Variants in EYA1 observed in about 807,000 individuals in gnomAD.
EYA1 encodes protein phosphatase EYA1.
Under a neutral mutation model 82.0 loss-of-function variants are expected in EYA1, and 16 were observed. The observed-to-expected ratio is 0.20, with a 90% CI of 0.13 to 0.30. EYA1 has a LOEUF of 0.30. Ranked by LOEUF, EYA1 falls within the 10% of genes least tolerant of loss-of-function variation. The pLI is 1.00. For synonymous variants in EYA1, 261 were observed against 264.4 expected (o/e 0.99, Z 0.12); for missense variants, 633 against 730.7 (o/e 0.87, Z 1.54).
At chr8:71,530,514 AT>A (rs1386225027) in intron 2 of EYA1, among the ~76,000 whole-genome samples, 10 of 152,222 alleles carry the variant, frequency 6.6e-5, no homozygotes, top group Non-Finnish European at 2.9e-5. Flanking sequence ...CCATGGTTTT[AT>A]ATTTAAGTTA....
At chr8:71,216,340 A>T (rs186189598) in intron 14 of EYA1, among the ~76,000 whole-genome samples, 1 of 152,228 alleles carries the variant, frequency 6.6e-6, no homozygotes, top group Admixed American at 6.5e-5. Flanking sequence ...CCAAGTATTT[A>T]CCCTGTAGGA....
intron 1 of EYA1, among the ~76,000 whole-genome samples, chr8:71,538,503 T>C (rs1037563238): frequency 6.6e-6 from 1 of 152,236 alleles, no homozygotes; most frequent in Non-Finnish European, 1.5e-5. Flanking sequence ...ACAAAATTTC[T>C]GGTCCTGAGC....
At chr8:71,489,224 T>C (rs981243269) in intron 2 of EYA1, among the ~76,000 whole-genome samples, 2 of 152,188 alleles carry the variant, frequency 1.3e-5, no homozygotes, top group Non-Finnish European at 1.5e-5. Context: ...CACCTACTTC[T>C]TGAGCCACTC....
intron 11 of EYA1, among the ~76,000 whole-genome samples, chr8:71,269,534 G>A (rs1265765570): frequency 6.6e-6 from 1 of 152,144 alleles, no homozygotes; most frequent in Non-Finnish European, 1.5e-5. Flanking sequence ...TGAACAAAGT[G>A]TATCTTATTG....
chr8:71,496,521 G>T (rs1194653193), intron 2 of EYA1, among the ~76,000 whole-genome samples: 1 of 152,174 alleles, frequency 6.6e-6, no homozygotes, highest in African/African-American at 2.4e-5. Flanking sequence ...TAGGAAAACA[G>T]ATTATTCTGT....
intron 3 of EYA1, among the ~76,000 whole-genome samples, chr8:71,347,514 G>T (rs111320919): frequency 1.3e-4 from 20 of 152,046 alleles, no homozygotes; most frequent in African/African-American, 4.8e-4. Context: ...AGTAGAGACG[G>T]GGTTTCACCT....
chr8:71,524,376 A>G (rs1813655317), intron 2 of EYA1, among the ~76,000 whole-genome samples: 2 of 152,200 alleles, frequency 1.3e-5, no homozygotes, highest in Admixed American at 1.3e-4. Context: ...TTATGACAGA[A>G]AAAGCTAATT....
At chr8:71,516,078 C>G (rs1048437532) in intron 2 of EYA1, among the ~76,000 whole-genome samples, 1 of 152,068 alleles carries the variant, frequency 6.6e-6, no homozygotes, top group African/African-American at 2.4e-5. Flanking sequence ...GACAGTTACA[C>G]ATGGAAGACT....
intron 17 of EYA1, among the ~76,000 whole-genome samples, chr8:71,208,860 C>CT (rs1202376712): frequency 6.6e-6 from 1 of 152,192 alleles, no homozygotes; most frequent in East Asian, 1.9e-4. Flanking sequence ...TGAAGTCAAA[C>CT]TTCTAAGAAT....
chr8:71,303,486 C>T (rs1002924097), intron 7 of EYA1, among the ~76,000 whole-genome samples: 1 of 142,924 alleles, frequency 7.0e-6, no homozygotes, highest in African/African-American at 2.5e-5. Flanking sequence ...TTACACCTAA[C>T]CCATACAAAT....
rs1490993429 is a variant in EYA1 at position 71,525,418 on chromosome 8, A to AT, written c.33+10325dup. ...GAATTCCTTTGAAATATAAACATTAATTGATCTAATTGAATCTAGTGGAGT... is the reference window on the plus strand; with the variant it reads ...GAATTCCTTTGAAATATAAACATTAATTTGATCTAATTGAATCTAGTGGAGT... On this transcript the variant is annotated intron_variant, in intron 2 of 18. Transcript: ENST00000643681. Among the ~76,000 whole-genome samples the AT allele has an allele frequency of 6.4e-4, 97 of 152,216 alleles. 1 individual carries two copies. The highest frequency in any genetic ancestry group is 4.6e-4 in the Admixed American group (7 of 15,284).
intron 2 of EYA1, among the ~76,000 whole-genome samples, chr8:71,456,508 A>C (rs1386702704): frequency 1.3e-5 from 2 of 152,174 alleles, no homozygotes; most frequent in African/African-American, 4.8e-5. Context: ...TTCAAACTAT[A>C]CTACAAGGCT....
chr8:71,297,975 CTT>C (rs138632237), intron 9 of EYA1, among the ~76,000 whole-genome samples: 2,156 of 152,002 alleles, frequency 0.014, 44 homozygotes, highest in African/African-American at 0.049. Context: ...AATGATGAAA[CTT>C]TAGAATAAAG....
intron 2 of EYA1, among the ~76,000 whole-genome samples, chr8:71,463,575 TTCTCTCTC>T (rs776367934): frequency 0.018 from 731 of 41,110 alleles, 13 homozygotes; most frequent in Middle Eastern, 0.022. Flanking sequence ...AATACATGCT[TTCTCTCTC>T]TCTCTCTCTC....
At chr8:71,518,466 T>C (rs1441304012) in intron 2 of EYA1, among the ~76,000 whole-genome samples, 1 of 152,144 alleles carries the variant, frequency 6.6e-6, no homozygotes, top group Non-Finnish European at 1.5e-5. Context: ...ACAATGCTAT[T>C]TTCTGTCTGT....
At chr8:71,233,107 A>G (rs1409247994) in intron 12 of EYA1, among the ~76,000 whole-genome samples, 2 of 152,188 alleles carry the variant, frequency 1.3e-5, no homozygotes, top group Non-Finnish European at 2.9e-5. Context: ...CTGGGCTTTG[A>G]GTCAGGCTGG....
At chr8:71,309,526 A>G (rs1157481687) in intron 7 of EYA1, among the ~76,000 whole-genome samples, 2 of 152,252 alleles carry the variant, frequency 1.3e-5, no homozygotes, top group Non-Finnish European at 2.9e-5. Flanking sequence ...ATGCTTTATC[A>G]CAGATTACTT....
rs375646172 is a variant in EYA1, at chr8:71,198,243, G to GTAGT, written c.*1093_*1096dup. 7.9e-5 allele frequency: 12 copies of GTAGT among 152,610 alleles called. No homozygotes were observed. Among genetic ancestry groups the GTAGT allele is most frequent in the African/African-American group, 2.6e-4 (11 of 41,514 alleles). 9.5% of individuals were successfully genotyped at this position (152,610 alleles called of 1,614,324 possible). A position where few individuals can be genotyped will look rare whatever the true frequency, so the allele number is the denominator to read the frequency against. On this transcript the variant is annotated 3_prime_UTR_variant, in exon 18 of 18. Transcript: ENST00000340726. ...GCATTTGAATAATTATTTTTTCCAA[G>GTAGT]TAGTTACATATAATACATTAGTGTG...
chr8:71,261,906 T>G (rs1037112130), intron 11 of EYA1, among the ~76,000 whole-genome samples: 2 of 152,222 alleles, frequency 1.3e-5, no homozygotes. Context: ...CCTTTATTAT[T>G]TTCTACCAGA....
Sources: allele counts gnomAD v4.1 joint callset (sites outside exome capture counted in the v4.1 genomes callset), GRCh38; gene constraint gnomAD v4.1.1; transcripts MANE v1.5; gene names NCBI Gene and HGNC (gene_info 2026-07-23, HGNC 2026-07-21).